Variants in BBS2 observed in about 807,000 individuals in gnomAD.
BBS2 encodes the protein BBSome complex member BBS2.
BBS2 carries 62 observed loss-of-function variants against 83.0 expected under a neutral mutation model. The observed-to-expected ratio is 0.75, with a 90% confidence interval of 0.61 to 0.92. The LOEUF (loss-of-function observed/expected upper bound fraction) is 0.92, where lower values mean the gene tolerates loss of function less well. Among genes scored for constraint, BBS2 ranks in the 40% least tolerant of loss-of-function variants. BBS2 has a pLI of 0.00. For synonymous variants in BBS2, 303 were observed against 326.1 expected (o/e 0.93, Z 0.76); for missense variants, 784 against 901.0 (o/e 0.87, Z 1.66).
At chr16:56,502,503 G>T in intron 8 of BBS2, 47 bp from the exon 9 acceptor site, 1 of 1,613,752 alleles carries the variant, frequency 6.2e-7, no homozygotes, top group Non-Finnish European at 8.5e-7. Context: ...ATACTTTTAG[G>T]TCATCAATTA....
chr16:56,510,107 A>G lies in BBS2; in HGVS notation c.535-73T>C, dbSNP rs138843932. 345 of 1,368,424 alleles carry G rather than the reference A, an allele frequency of 2.5e-4. 3 individuals are homozygous for G. The highest frequency in any genetic ancestry group is 1.3e-4 in the Non-Finnish European group (128 of 962,798). The allele number at this position is 1,368,424 out of a possible 1,614,324, so 84.8% of individuals were successfully genotyped here. On this transcript the variant is annotated intron_variant, in intron 4 of 16. Coordinates refer to ENST00000245157, the MANE Select transcript of BBS2 (RefSeq NM_031885.5). ...AAAATTTCTGTAAACAAAACAAAAA[A>G]TTGCACAGTACTTTGCATGCTGCTT...
chr16:56,478,645 C>T (rs190106692), intron 17 of BBS2: 2 of 152,282 alleles, frequency 1.3e-5, no homozygotes, highest in Non-Finnish European at 2.9e-5. Context: ...GCTGTAGGCA[C>T]CATCCAAGGC....
chr16:56,490,323 TAAAG>T (rs1262412251), intron 15 of BBS2, among the ~76,000 whole-genome samples: 10 of 152,010 alleles, frequency 6.6e-5, no homozygotes, highest in Non-Finnish European at 1.0e-4. Context: ...ACCCTGCTGT[TAAAG>T]AAAACTTTTC....
chr16:56,503,548 G>A (rs185233820), intron 7 of BBS2, among the ~76,000 whole-genome samples: 3 of 152,178 alleles, frequency 2.0e-5, no homozygotes, highest in East Asian at 3.9e-4. Flanking sequence ...CCATTTCCAA[G>A]AGAGAGAACA....
intron 7 of BBS2, among the ~76,000 whole-genome samples, chr16:56,504,674 A>C (rs1369944542): frequency 6.6e-6 from 1 of 152,230 alleles, no homozygotes; most frequent in Non-Finnish European, 1.5e-5. Flanking sequence ...AAAGCATTTA[A>C]CTATAAAAAC....
intron 17 of BBS2, among the ~76,000 whole-genome samples, chr16:56,474,143 A>T (rs1963340704): frequency 6.6e-6 from 1 of 152,124 alleles, no homozygotes. Flanking sequence ...TTTATAAAAT[A>T]TTTTAGTAAT....
At chr16:56,480,276 G>A (rs1963627253), downstream of BBS2, among the ~76,000 whole-genome samples, 1 of 137,670 alleles carries the variant, frequency 7.3e-6, no homozygotes, top group South Asian at 2.4e-4. Context: ...CTTGTCTACT[G>A]TTTAAAGATT....
intron 2 of BBS2, among the ~76,000 whole-genome samples, chr16:56,512,333 T>C (rs552059628): frequency 1.3e-5 from 2 of 152,346 alleles, no homozygotes; most frequent in South Asian, 2.1e-4. Context: ...AATTCCACTC[T>C]TGGGTATTTA....
intron 10 of BBS2, 91 bp downstream of exon 10, chr16:56,501,262 A>G: frequency 6.5e-7 from 1 of 1,538,746 alleles, no homozygotes; most frequent in Non-Finnish European, 8.9e-7. Context: ...GTGAGCCAAG[A>G]CAGAGGAAGA....
chr16:56,514,736 CA>C (rs1567585076), intron 1 of BBS2, 56 bp from the exon 2 acceptor site: 2 of 1,353,598 alleles, frequency 1.5e-6, no homozygotes, highest in Non-Finnish European at 2.1e-6. Context: ...TAGTATCATA[CA>C]TTTTTTTAAA....
At chr16:56,470,925 C>A in intron 17 of BBS2, 1 of 847,880 alleles carries the variant, frequency 1.2e-6, no homozygotes, top group Non-Finnish European at 1.8e-6. Flanking sequence ...ACAAAACAGA[C>A]AAGGTCTCTG....
chr16:56,503,906 G>A (rs1048774364), intron 7 of BBS2, among the ~76,000 whole-genome samples: 14 of 146,122 alleles, frequency 9.6e-5, no homozygotes, highest in Admixed American at 2.7e-4. Flanking sequence ...GTGACAAAGC[G>A]AGACTCCAGT....
At chr16:56,470,856 T>C (rs1963138727) in intron 17 of BBS2, 1 of 1,426,590 alleles carries the variant, frequency 7.0e-7, no homozygotes, top group South Asian at 1.5e-5. Flanking sequence ...CATGTATTCA[T>C]TCAACAAACA....
At chr16:56,499,595 A>G (rs1964203699) in intron 12 of BBS2, 183 bp downstream of exon 12, 1 of 685,450 alleles carries the variant, frequency 1.5e-6, no homozygotes, top group Non-Finnish European at 2.4e-6. Context: ...TTTCAAAGTG[A>G]GAGAAGGTAT....
intron 14 of BBS2, 92 bp downstream of exon 14, chr16:56,497,651 C>A (rs1964151573): frequency 6.4e-7 from 1 of 1,557,660 alleles, no homozygotes; most frequent in Non-Finnish European, 8.8e-7. Context: ...GAAAACATCA[C>A]TATAACATAA....
rs1299185308 is a variant in BBS2 at position 56,511,338 on chromosome 16, A to C, written c.346-54T>G. On this transcript the variant is annotated intron_variant, in intron 2 of 16. Coordinates refer to ENST00000245157, the MANE Select transcript of BBS2 (RefSeq NM_031885.5). ...TAGACACGATAATATGCAGGCCCAC[A>C]TATTAATTGGGCCAAATTTTGAGTA... 10 of 1,608,662 alleles carry C rather than the reference A, an allele frequency of 6.2e-6. No individual in the cohort carries two copies. In the Admixed American group the frequency reaches 1.7e-4, roughly 27 times the overall value.
At chr16:56,491,676 G>A (rs1288472574) in intron 15 of BBS2, among the ~76,000 whole-genome samples, 1 of 81,370 alleles carries the variant, frequency 1.2e-5, no homozygotes, top group African/African-American at 4.8e-5. Flanking sequence ...TTAAAACAAT[G>A]AAAAATGCCC....
chr16:56,476,222 T>TGAACAAAAATGTGACCCTTC (rs1963471203), intron 17 of BBS2: 1 of 1,599,282 alleles, frequency 6.3e-7, no homozygotes. Flanking sequence ...TGGGCAAAGC[T>TGAACAAAAATGTGACCCTTC]GAACAAAAAT....
intron 2 of BBS2, 135 bp from the exon 3 acceptor site, chr16:56,511,419 C>A: frequency 8.5e-7 from 1 of 1,183,232 alleles, no homozygotes; most frequent in Non-Finnish European, 1.2e-6. Context: ...GTGGGCCTCA[C>A]ACATTAACTG....
Sources: gnomAD v4.1 joint callset for allele counts (sites outside exome capture counted in the v4.1 genomes callset) on GRCh38, gnomAD v4.1.1 for gene constraint, MANE v1.5 for transcripts, NCBI Gene and HGNC (gene_info 2026-07-23, HGNC 2026-07-21) for gene names.